The following FGD5 variants were observed in gnomAD, a reference collection of about 807,000 sequenced individuals.
FGD5 encodes the protein FYVE, RhoGEF and PH domain containing 5, also known as FYVE, RhoGEF and PH domain-containing protein 5.
A neutral mutation model predicts 133.4 loss-of-function variants in FGD5; 28 were observed. The observed-to-expected ratio is 0.21, with a 90% confidence interval of 0.16 to 0.29. The LOEUF (loss-of-function observed/expected upper bound fraction) is 0.29, where lower values mean the gene tolerates loss of function less well. Ranked by LOEUF, FGD5 falls within the 10% of genes least tolerant of loss-of-function variation. The pLI, the probability that FGD5 is intolerant of heterozygous loss-of-function variation, is 1.00. For synonymous variants in FGD5, 810 were observed against 776.5 expected (o/e 1.04, Z -0.72); for missense variants, 1,858 against 1,895.2 (o/e 0.98, Z 0.36).
Position 14,922,300 on chromosome 3 carries a change from C to T in FGD5, c.3670-111C>T. 6.9e-7 allele frequency: 1 copy of T among 1,457,788 alleles called. No homozygotes were observed. The highest frequency in any genetic ancestry group is 1.3e-5 in the South Asian group (1 of 75,832). 90.3% of individuals were successfully genotyped at this position (1,457,788 alleles called of 1,614,324 possible). A position where few individuals can be genotyped will look rare whatever the true frequency, so the allele number is the denominator to read the frequency against. On this transcript the variant is annotated intron_variant, in intron 14 of 19. Coordinates refer to ENST00000285046, the MANE Select transcript of FGD5 (RefSeq NM_152536.4). The surrounding 1 kb of genome is among the most constrained non-coding windows in gnomAD (Gnocchi z 4.1). ...AGGCCTTTCACATCAGACCCACTCA[C>T]CCACACATCACACACCCTGCACAGA...
upstream of FGD5, chr3:14,818,935 T>C: frequency 7.0e-7 from 1 of 1,435,630 alleles, no homozygotes; most frequent in Non-Finnish European, 9.1e-7. Flanking sequence ...TTTTCTCCTT[T>C]TCTCTATTTT....
rs1318961089 is a variant in FGD5 at position 14,932,639 on chromosome 3, G to C, written c.4260G>C (p.Glu1420Asp). The C allele has an allele frequency of 5.6e-6, 9 of 1,613,928 alleles. No individual in the cohort carries two copies. In the Admixed American group the frequency reaches 8.3e-5, roughly 15 times the overall value. ...TCACCATTGCTCCAGAAAAGGAAGA[G>C]GGCAGCAGTGAAGTAGGACCTATTT... The part of the protein sequence containing the change: ...LGFTIAPEKE[E>D]GSSEVGPIFH... The change falls in exon 19 of 20, where the codon GAG becomes GAC. Residue 1420 changes from glutamate to aspartate, a missense_variant. Glu to Asp is a conservative substitution (Grantham distance 45, BLOSUM62 2). Around this residue, in one of 3 missense-constraint regions of FGD5, gnomAD observed 1,824 missense variants for 1,848.9 expected, o/e 0.99. Coordinates refer to ENST00000285046, the MANE Select transcript of FGD5 (RefSeq NM_152536.4).
intron 1 of FGD5, among the ~76,000 whole-genome samples, chr3:14,831,067 G>A (rs1333601509): frequency 6.6e-6 from 1 of 152,186 alleles, no homozygotes; most frequent in African/African-American, 2.4e-5. Context: ...GAAACGTGAA[G>A]GATGATCAGA....
chr3:14,821,765 C>T lies in FGD5; in HGVS notation c.2525+169C>T, dbSNP rs570798369. On this transcript the variant is annotated intron_variant, in intron 1 of 19. Coordinates refer to ENST00000285046, the MANE Select transcript of FGD5 (RefSeq NM_152536.4). ...ATCTCTGAGCCTCGGTTACTTCATCCGTGAAATGGGACTCATGCTACCTCA... is the reference window on the plus strand; with the variant it reads ...ATCTCTGAGCCTCGGTTACTTCATCTGTGAAATGGGACTCATGCTACCTCA... 21 of 987,462 alleles carry T rather than the reference C, an allele frequency of 2.1e-5. No homozygotes were observed. In the South Asian group the frequency reaches 3.1e-4, roughly 15 times the overall value. 61.2% of individuals were successfully genotyped at this position (987,462 alleles called of 1,614,324 possible).
intron 1 of FGD5, among the ~76,000 whole-genome samples, chr3:14,850,565 G>A (rs569800934): frequency 1.5e-4 from 23 of 152,206 alleles, no homozygotes; most frequent in Non-Finnish European, 3.1e-4. Flanking sequence ...GGGATGAGAT[G>A]GGGAAACTGG....
At chr3:14,868,309 C>T (rs1395778985) in intron 2 of FGD5, among the ~76,000 whole-genome samples, 3 of 151,990 alleles carry the variant, frequency 2.0e-5, no homozygotes, top group African/African-American at 7.3e-5. Context: ...ACATTTGTTT[C>T]CCAGTCTGGC....
At chr3:14,890,076 C>T (rs757181092) in intron 4 of FGD5, among the ~76,000 whole-genome samples, 2 of 152,078 alleles carry the variant, frequency 1.3e-5, no homozygotes, top group Non-Finnish European at 2.9e-5. Flanking sequence ...TCAGTATATT[C>T]TCAGCGTTAC....
At chr3:14,831,155 G>T (rs2036699806) in intron 1 of FGD5, among the ~76,000 whole-genome samples, 1 of 152,152 alleles carries the variant, frequency 6.6e-6, no homozygotes, top group Admixed American at 6.5e-5. Context: ...GGAGGCCTTT[G>T]TGGGGTTCGT....
At chr3:14,933,053 C>G (rs1366630918) in intron 19 of FGD5, 78 bp from the exon 20 acceptor site, 1 of 1,487,236 alleles carries the variant, frequency 6.7e-7, no homozygotes, top group Admixed American at 1.9e-5. Context: ...ATCTACTAGT[C>G]CAGTCTTTTC....
Position 14,880,776 on chromosome 3 carries a change from A to G in FGD5, c.2748+4A>G. 1 of 1,613,608 alleles carries G rather than the reference A, an allele frequency of 6.2e-7. No individual in the cohort carries two copies. Among genetic ancestry groups the G allele is most frequent in the Non-Finnish European group, 8.5e-7 (1 of 1,179,732 alleles). ...GATGCTCCAGCACTTAAATCTGGTGAGTTAATCATTTTAATTGTCCAAAAC... is the reference window on the plus strand; with the variant it reads ...GATGCTCCAGCACTTAAATCTGGTGGGTTAATCATTTTAATTGTCCAAAAC... On this transcript the variant is annotated splice_donor_region_variant and intron_variant, in intron 4 of 19. Transcript: ENST00000285046.
chr3:14,903,600 G>A (rs563434782), intron 9 of FGD5, among the ~76,000 whole-genome samples: 13 of 148,694 alleles, frequency 8.7e-5, no homozygotes, highest in Non-Finnish European at 1.5e-4. Flanking sequence ...GAGAATATGC[G>A]GTGTTTGGTT....
intron 1 of FGD5, among the ~76,000 whole-genome samples, chr3:14,836,896 G>A (rs2125081837): frequency 6.6e-6 from 1 of 152,356 alleles, no homozygotes; most frequent in East Asian, 1.9e-4. Flanking sequence ...TTTGAGCAGG[G>A]CTCAAAGGGC....
chr3:14,813,461 A>C (rs2036324475), intron 1 of FGD5, among the ~76,000 whole-genome samples: 1 of 152,238 alleles, frequency 6.6e-6, no homozygotes, highest in Non-Finnish European at 1.5e-5. Context: ...AGTTAAATTA[A>C]GATGTAATTG....
chr3:14,882,350 C>T, intron 4 of FGD5: 1 of 985,062 alleles, frequency 1.0e-6, no homozygotes, highest in Middle Eastern at 5.2e-4. Context: ...ACATTGAAGC[C>T]CCTGGTAATC....
At chr3:14,837,085 C>T (rs1174645874) in intron 1 of FGD5, among the ~76,000 whole-genome samples, 1 of 152,124 alleles carries the variant, frequency 6.6e-6, no homozygotes, top group Non-Finnish European at 1.5e-5. Flanking sequence ...AGAGTTCAAG[C>T]CCCAAGCTTG....
intron 4 of FGD5, among the ~76,000 whole-genome samples, chr3:14,896,391 C>T (rs920771577): frequency 3.9e-5 from 6 of 152,246 alleles, no homozygotes; most frequent in South Asian, 2.1e-4. Context: ...AAATTTACTT[C>T]GAAGTTTTAG....
intron 1 of FGD5, among the ~76,000 whole-genome samples, chr3:14,834,518 C>G (rs2036777654): frequency 6.6e-6 from 1 of 152,200 alleles, no homozygotes; most frequent in Admixed American, 6.5e-5. Context: ...GAGATTCAAA[C>G]TAGACATTCA....
chr3:14,845,078 A>C (rs577482390), intron 1 of FGD5, among the ~76,000 whole-genome samples: 1 of 152,068 alleles, frequency 6.6e-6, no homozygotes, highest in Non-Finnish European at 1.5e-5. Context: ...GCCTCCACTC[A>C]CTCAGAAAAT....
intron 1 of FGD5, among the ~76,000 whole-genome samples, chr3:14,828,164 T>C (rs2036638502): frequency 6.6e-6 from 1 of 152,136 alleles, no homozygotes; most frequent in Non-Finnish European, 1.5e-5. Flanking sequence ...GTACCACTGC[T>C]GGCCTCAGTG....
Sources: gnomAD v4.1 joint callset for allele counts (sites outside exome capture counted in the v4.1 genomes callset) on GRCh38, gnomAD v4.1.1 for gene constraint, gnomAD v4.1.1 regional missense constraint, Gnocchi (gnomAD v3.1) non-coding constraint, MANE v1.5 for transcripts, NCBI Gene and HGNC (gene_info 2026-07-23, HGNC 2026-07-21) for gene names.